CNTNAP3: variants seen among roughly 807,000 people sequenced by gnomAD.
CNTNAP3 encodes contactin associated protein family member 3, also known as contactin-associated protein-like 3.
In CNTNAP3, 36 loss-of-function variants were observed where a neutral mutation model predicts 92.1. That is an observed-to-expected ratio of 0.39 (90% CI 0.30 to 0.52). The LOEUF (loss-of-function observed/expected upper bound fraction) is 0.52. CNTNAP3 is among the 20% of genes least tolerant of loss of function. The pLI is 0.76. For missense variants in CNTNAP3, 534 were observed against 1,069.6 expected (o/e 0.50, Z 6.98); for synonymous variants, 232 against 422.3 (o/e 0.55, Z 5.53).
chr9:39,139,893 G>C (rs560490105), intron 12 of CNTNAP3: 1 of 152,106 alleles, frequency 6.6e-6, no homozygotes, highest in South Asian at 2.1e-4. Context: ...TACAGGCGCG[G>C]GTGCCACCAT....
intron 21 of CNTNAP3, among the ~76,000 whole-genome samples, chr9:39,080,320 G>A (rs1825901735): frequency 7.3e-6 from 1 of 137,422 alleles, no homozygotes; most frequent in South Asian, 2.3e-4. Context: ...CGCAGGTGAT[G>A]TCTGACAACA....
intron 13 of CNTNAP3, among the ~76,000 whole-genome samples, chr9:39,122,708 C>T (rs1158705505): frequency 1.3e-5 from 2 of 152,096 alleles, no homozygotes; most frequent in African/African-American, 4.8e-5. Context: ...CAGAAAATTG[C>T]AAGGTATGCT....
chr9:39,080,495 A>G (rs1188353765), intron 21 of CNTNAP3, among the ~76,000 whole-genome samples: 1 of 136,668 alleles, frequency 7.3e-6, no homozygotes, highest in African/African-American at 2.7e-5. Context: ...TCTTTCCCCA[A>G]CTGCAAAGCT....
At chr9:39,115,698 TCCAAATGAAAG>T (rs1003477444) in intron 14 of CNTNAP3, among the ~76,000 whole-genome samples, 3 of 152,074 alleles carry the variant, frequency 2.0e-5, no homozygotes, top group African/African-American at 7.2e-5. Context: ...TAAATTTTTT[TCCAAATGAAAG>T]CCCAGGGCTT....
intron 11 of CNTNAP3, among the ~76,000 whole-genome samples, chr9:39,141,699 T>A (rs1821578591): frequency 6.6e-6 from 1 of 152,180 alleles, no homozygotes; most frequent in Non-Finnish European, 1.5e-5. Context: ...TATTTGTATA[T>A]GTCTGGTAGG....
At chr9:39,134,860 C>T (rs1821391580) in intron 12 of CNTNAP3, among the ~76,000 whole-genome samples, 1 of 152,196 alleles carries the variant, frequency 6.6e-6, no homozygotes. Flanking sequence ...AGATGATCAA[C>T]CACATGCCAT....
intron 21 of CNTNAP3, among the ~76,000 whole-genome samples, chr9:39,082,860 C>T (rs56121395): frequency 0.2 from 29,746 of 150,708 alleles, 343 homozygotes; most frequent in East Asian, 0.3. Flanking sequence ...AACTGCTGCT[C>T]ACGAGGCTTG....
chr9:39,120,402 C>T lies in CNTNAP3; in HGVS notation c.2081-2143G>A, dbSNP rs543885078. On this transcript the variant is annotated intron_variant, in intron 13 of 23. Coordinates refer to ENST00000297668, the MANE Select transcript of CNTNAP3 (RefSeq NM_033655.5). ...AAATAAAACCTTTTTAGGCCGGGTG[C>T]GGTGGCTCACGCCTGTAATCCCAGC... 1.1e-4 allele frequency among the ~76,000 whole-genome samples: 16 copies of T among 152,250 alleles called. No homozygotes were observed. In the South Asian group the frequency reaches 2.1e-3, roughly 20 times the overall value.
chr9:39,151,994 AT>A (rs1821853670), intron 9 of CNTNAP3, among the ~76,000 whole-genome samples: 1 of 148,928 alleles, frequency 6.7e-6, no homozygotes, highest in African/African-American at 2.5e-5. Flanking sequence ...TCACTAGAGG[AT>A]TGAGTTTTCT....
At chr9:39,076,943 G>A (rs1825788879) in intron 23 of CNTNAP3, among the ~76,000 whole-genome samples, 1 of 151,712 alleles carries the variant, frequency 6.6e-6, no homozygotes, top group Admixed American at 6.6e-5. Flanking sequence ...TGCGACGAGC[G>A]AGACTCCCTC....
At position 39,105,463 on chromosome 9, in the gene CNTNAP3, C is replaced by G. The variant is rs573075872; in HGVS notation, c.2366-1549G>C. Among the ~76,000 whole-genome samples the G allele has an allele frequency of 2.6e-5, 4 of 152,164 alleles. No individual in the cohort carries two copies. In the South Asian group the frequency reaches 6.2e-4, roughly 24 times the overall value. On this transcript the variant is annotated intron_variant, in intron 15 of 23. Transcript: ENST00000297668. Reference sequence around the variant, plus strand: ...AACAAACAAACAAACCAAGAAATAGCTTTTCTCTTGATCTTTTACTAATTT... The same window carrying G: ...AACAAACAAACAAACCAAGAAATAGGTTTTCTCTTGATCTTTTACTAATTT...
rs866623952 is a variant in CNTNAP3, at chr9:39,080,526, C to T, written c.3443-1606G>A. On this transcript the variant is annotated intron_variant, in intron 21 of 23. Transcript: ENST00000297668. Reference sequence around the variant, plus strand: ...AAGCTCCATTCCAGTAATTCCTATACCTATTGCCATAGTCCTGAATAAAGT... The same window carrying T: ...AAGCTCCATTCCAGTAATTCCTATATCTATTGCCATAGTCCTGAATAAAGT... Among the ~76,000 whole-genome samples, 3 of 138,266 alleles carry T rather than the reference C, an allele frequency of 2.2e-5. No individual in the cohort carries two copies. The Middle Eastern group carries it at 0.011, about 490-fold the overall frequency. 90.7% of individuals were successfully genotyped at this position (138,266 alleles called of 152,430 possible). A position where few individuals can be genotyped will look rare whatever the true frequency, so the allele number is the denominator to read the frequency against.
chr9:39,146,825 C>T (rs1166038584), intron 10 of CNTNAP3, among the ~76,000 whole-genome samples: 3 of 152,192 alleles, frequency 2.0e-5, no homozygotes, highest in Non-Finnish European at 4.4e-5. Flanking sequence ...CTTCATACCC[C>T]TTATCTGTCC....
At chr9:39,095,411 C>A (rs371418227) in intron 18 of CNTNAP3, among the ~76,000 whole-genome samples, 1 of 151,278 alleles carries the variant, frequency 6.6e-6, no homozygotes, top group East Asian at 1.9e-4. Context: ...TCTTATTTTA[C>A]GGAAGCTTTC....
intron 13 of CNTNAP3, among the ~76,000 whole-genome samples, chr9:39,119,958 A>C (rs1208315969): frequency 2.0e-5 from 3 of 152,226 alleles, no homozygotes; most frequent in African/African-American, 7.2e-5. Flanking sequence ...TATAAAAAGA[A>C]CTGAGCCATA....
At chr9:39,140,305 T>C (rs1380819323) in intron 12 of CNTNAP3, among the ~76,000 whole-genome samples, 1 of 152,086 alleles carries the variant, frequency 6.6e-6, no homozygotes, top group African/African-American at 2.4e-5. Flanking sequence ...GCTAGAGAGA[T>C]GCCTTGGCAG....
At chr9:39,097,527 T>C (rs1231285701) in intron 18 of CNTNAP3, among the ~76,000 whole-genome samples, 2 of 152,072 alleles carry the variant, frequency 1.3e-5, no homozygotes, top group Non-Finnish European at 2.9e-5. Context: ...GAAGACCTTA[T>C]GTCCTGGAAT....
intron 2 of CNTNAP3, among the ~76,000 whole-genome samples, chr9:39,250,646 T>C (rs1213181376): frequency 1.1e-4 from 1 of 8,806 alleles, no homozygotes; most frequent in African/African-American, 1.2e-4. Flanking sequence ...TAAAGTTACA[T>C]ATGCTGCTGA....
At chr9:39,084,194 GTTTTTT>G (rs201621606) in intron 21 of CNTNAP3, among the ~76,000 whole-genome samples, 31 of 116,870 alleles carry the variant, frequency 2.7e-4, no homozygotes, top group African/African-American at 7.0e-4. Context: ...TGCTCACCAA[GTTTTTT>G]TTTTTTTTTT....
Sources: allele counts gnomAD v4.1 joint callset (sites outside exome capture counted in the v4.1 genomes callset), GRCh38; gene constraint gnomAD v4.1.1; transcripts MANE v1.5; gene names NCBI Gene and HGNC (gene_info 2026-07-23, HGNC 2026-07-21).